The following AMPH variants were observed in gnomAD, a reference collection of about 807,000 sequenced individuals.
AMPH encodes the protein amphiphysin.
In AMPH, 49 loss-of-function variants were observed where a neutral mutation model predicts 99.1. The ratio of observed to expected loss-of-function variants is 0.49; its 90% CI spans 0.39 to 0.63. The LOEUF (loss-of-function observed/expected upper bound fraction) is 0.63. Ranked by LOEUF, AMPH falls within the 20% of genes least tolerant of loss-of-function variation. AMPH has a pLI of 0.00. For synonymous variants in AMPH, 314 were observed against 317.3 expected (o/e 0.99, Z 0.11); for missense variants, 759 against 863.4 (o/e 0.88, Z 1.52).
intron 17 of AMPH, among the ~76,000 whole-genome samples, chr7:38,400,207 C>T (rs898795746): frequency 1.3e-5 from 2 of 152,210 alleles, no homozygotes; most frequent in African/African-American, 4.8e-5. Context: ...TCCCGAGTAG[C>T]TGGGATTACA....
At chr7:38,501,336 A>G (rs1789127853) in intron 3 of AMPH, among the ~76,000 whole-genome samples, 1 of 152,104 alleles carries the variant, frequency 6.6e-6, no homozygotes. Context: ...GACTACAGGC[A>G]TGCGCCACCA....
intron 17 of AMPH, among the ~76,000 whole-genome samples, chr7:38,414,863 C>G (rs930401658): frequency 6.6e-6 from 1 of 152,072 alleles, no homozygotes; most frequent in Non-Finnish European, 1.5e-5. Context: ...GGGGTTTCAT[C>G]ATGTTGGCCA....
chr7:38,391,796 T>C lies in AMPH; in HGVS notation c.1830A>G (p.Ala610=). The C allele has an allele frequency of 1.2e-6, 2 of 1,613,976 alleles. No homozygotes were observed. Among genetic ancestry groups the C allele is most frequent in the Non-Finnish European group, 8.5e-7 (1 of 1,179,990 alleles). The change falls in exon 19 of 21, where the codon GCA becomes GCG. Residue 610 remains alanine (A), a synonymous_variant. Coordinates refer to ENST00000356264, the MANE Select transcript of AMPH (RefSeq NM_001635.4). ...APAMGAADQL[A]SAREASQELP... ...ATTCCTGAGAGGCCTCCCTTGCAGA[T>C]GCTAGCTGGTCAGCAGCCCCCATGG...
chr7:38,589,709 C>A (rs530030198), intron 1 of AMPH, among the ~76,000 whole-genome samples: 1 of 152,318 alleles, frequency 6.6e-6, no homozygotes, highest in African/African-American at 2.4e-5. Flanking sequence ...CACAGTATTT[C>A]ATATTACGTA....
At chr7:38,515,113 C>A (rs878915831) in intron 2 of AMPH, among the ~76,000 whole-genome samples, 2 of 151,848 alleles carry the variant, frequency 1.3e-5, no homozygotes, top group African/African-American at 4.8e-5. Flanking sequence ...ATGTCTCAGA[C>A]AAAAAAGAGG....
chr7:38,394,131 C>A lies in AMPH; in HGVS notation c.1482G>T (p.Ala494=). The change falls in exon 18 of 21, where the codon GCG becomes GCT. Residue 494 remains alanine, a synonymous_variant. Transcript: ENST00000356264. ...CCCCGGCAGGGACAGTGGCCTTCTC[C>A]GCCTCTGCTTCCTCTCCTGGGGCCC... ...AEGAPGEEAE[A]EKATVPAGEG... is the part of the protein sequence containing the mutation. 1 of 1,614,182 alleles carries A rather than the reference C, an allele frequency of 6.2e-7. No homozygotes were observed. Among genetic ancestry groups the A allele is most frequent in the Non-Finnish European group, 8.5e-7 (1 of 1,180,026 alleles).
intron 2 of AMPH, among the ~76,000 whole-genome samples, chr7:38,507,642 G>A (rs1789377278): frequency 6.6e-6 from 1 of 152,168 alleles, no homozygotes; most frequent in African/African-American, 2.4e-5. Flanking sequence ...AAATCCCTTT[G>A]TAAAGTATCA....
intron 1 of AMPH, among the ~76,000 whole-genome samples, chr7:38,535,729 A>C (rs531557824): frequency 3.3e-5 from 5 of 152,184 alleles, no homozygotes; most frequent in African/African-American, 9.6e-5. Context: ...TCTCATAAGG[A>C]GCTTGAAACC....
intron 1 of AMPH, among the ~76,000 whole-genome samples, chr7:38,627,121 T>C (rs1419085572): frequency 2.0e-5 from 3 of 152,076 alleles, no homozygotes; most frequent in African/African-American, 7.2e-5. Context: ...CACTGGCTCA[T>C]GACTCAGGCC....
chr7:38,418,034 T>C, intron 16 of AMPH, 84 bp from the exon 17 acceptor site: 1 of 1,456,524 alleles, frequency 6.9e-7, no homozygotes, highest in South Asian at 1.4e-5. Flanking sequence ...CAATTAAGAT[T>C]TTCTTTGTCA....
chr7:38,571,135 AT>A (rs1187425353), intron 1 of AMPH, among the ~76,000 whole-genome samples: 4 of 67,104 alleles, frequency 6.0e-5, no homozygotes, highest in Non-Finnish European at 1.1e-4. Flanking sequence ...GAATATATAT[AT>A]TTTTATATAT....
At chr7:38,410,268 T>C (rs1785175325) in intron 17 of AMPH, among the ~76,000 whole-genome samples, 1 of 152,224 alleles carries the variant, frequency 6.6e-6, no homozygotes, top group Non-Finnish European at 1.5e-5. Context: ...AACAGTGATC[T>C]GCAAATCACC....
At chr7:38,486,104 G>T (rs979578084) in intron 5 of AMPH, among the ~76,000 whole-genome samples, 1 of 147,248 alleles carries the variant, frequency 6.8e-6, no homozygotes, top group Non-Finnish European at 1.5e-5. Flanking sequence ...GATTAGAGTG[G>T]AAATAAGTGA....
chr7:38,614,474 C>T (rs960307558), intron 1 of AMPH, among the ~76,000 whole-genome samples: 1 of 152,174 alleles, frequency 6.6e-6, no homozygotes, highest in Admixed American at 6.5e-5. Context: ...AGATATAGAA[C>T]ACGCATGAGT....
At chr7:38,470,329 C>G (rs973461100) in intron 7 of AMPH, among the ~76,000 whole-genome samples, 1 of 152,294 alleles carries the variant, frequency 6.6e-6, no homozygotes, top group South Asian at 2.1e-4. Context: ...GCTTCCTCAT[C>G]TCCAATGGAG....
In AMPH at chr7:38,466,173, C is replaced by T. The variant is rs1160968789; in HGVS notation, c.666G>A (p.Val222=). 1.9e-6 allele frequency: 3 copies of T among 1,601,102 alleles called. No individual in the cohort carries two copies. The highest frequency in any genetic ancestry group is 2.6e-6 in the Non-Finnish European group (3 of 1,175,808). ...LEAKFHKEIA[V]LCHKLYEVMT... is the part of the protein sequence containing the mutation. The stretch of plus-strand genomic sequence containing the variant: ...TGCAAAAATTATCGTCATGACTCAC[C>T]ACCGCAATTTCCTTATGAAACTTGG... The change falls in exon 8 of 21, where the codon GTG becomes GTA. Residue 222 remains valine, a splice_region_variant and synonymous_variant. Coordinates refer to ENST00000356264, the MANE Select transcript of AMPH (RefSeq NM_001635.4).
chr7:38,571,288 T>TGAATATATATA (rs1562835269), intron 1 of AMPH, among the ~76,000 whole-genome samples: 1 of 46,960 alleles, frequency 2.1e-5, no homozygotes, highest in Non-Finnish European at 3.5e-5. Flanking sequence ...TTTTTATATA[T>TGAATATATATA]ATTTATATAT....
intron 1 of AMPH, among the ~76,000 whole-genome samples, chr7:38,587,949 T>TGTGTGTGC (rs931620644): frequency 2.0e-3 from 293 of 146,190 alleles, no homozygotes; most frequent in African/African-American, 6.8e-3. Context: ...TGTGTGTGTG[T>TGTGTGTGC]GCGCGTGTGT....
chr7:38,583,625 C>T (rs1223545777), intron 1 of AMPH, among the ~76,000 whole-genome samples: 6 of 152,190 alleles, frequency 3.9e-5, no homozygotes, highest in Admixed American at 1.3e-4. Flanking sequence ...TTCCTAAATG[C>T]TATTGTGTGC....
Sources: gnomAD v4.1 joint callset for allele counts (sites outside exome capture counted in the v4.1 genomes callset) on GRCh38, gnomAD v4.1.1 for gene constraint, MANE v1.5 for transcripts, NCBI Gene and HGNC (gene_info 2026-07-23, HGNC 2026-07-21) for gene names.